CNTNAP2: variants seen among roughly 807,000 people sequenced by gnomAD.
The protein encoded by CNTNAP2 is contactin associated protein 2.
In CNTNAP2, 98 loss-of-function variants were observed where a neutral mutation model predicts 155.2. The observed-to-expected ratio is 0.63, with a 90% CI of 0.54 to 0.75. CNTNAP2 has a LOEUF of 0.75. CNTNAP2 is among the 30% of genes least tolerant of loss of function. CNTNAP2 has a pLI of 0.00. For missense variants in CNTNAP2, 1,727 were observed against 1,688.1 expected (o/e 1.02, Z -0.40); for synonymous variants, 651 against 631.2 (o/e 1.03, Z -0.47).
intron 20 of CNTNAP2, among the ~76,000 whole-genome samples, chr7:148,235,372 T>C (rs1796025695): frequency 6.6e-6 from 1 of 152,186 alleles, no homozygotes; most frequent in African/African-American, 2.4e-5. Flanking sequence ...TGCCAGTTGC[T>C]ATACAAATTA....
At chr7:146,911,327 A>T (rs1244955690) in intron 3 of CNTNAP2, among the ~76,000 whole-genome samples, 1 of 152,098 alleles carries the variant, frequency 6.6e-6, no homozygotes, top group East Asian at 1.9e-4. Context: ...AAGGACTATA[A>T]ATCATGCTGC....
intron 21 of CNTNAP2, among the ~76,000 whole-genome samples, chr7:148,270,849 C>T (rs762563277): frequency 1.3e-5 from 2 of 152,182 alleles, no homozygotes; most frequent in Admixed American, 6.5e-5. Flanking sequence ...GACCATGTTG[C>T]TTTCTTAGTT....
chr7:147,900,108 A>G (rs1799841840), intron 13 of CNTNAP2, among the ~76,000 whole-genome samples: 2 of 152,128 alleles, frequency 1.3e-5, no homozygotes, highest in Non-Finnish European at 2.9e-5. Flanking sequence ...ATGAAATCTG[A>G]TGGTGCTGGC....
At chr7:148,015,856 A>G (rs577660911) in intron 15 of CNTNAP2, among the ~76,000 whole-genome samples, 2 of 152,322 alleles carry the variant, frequency 1.3e-5, no homozygotes, top group East Asian at 3.9e-4. Flanking sequence ...TTTCAACACT[A>G]TTTTGTAGAT....
At chr7:147,474,672 A>G (rs894112209) in intron 10 of CNTNAP2, among the ~76,000 whole-genome samples, 2 of 152,216 alleles carry the variant, frequency 1.3e-5, no homozygotes, top group Non-Finnish European at 2.9e-5. Flanking sequence ...AGTGTAGCAC[A>G]GAGCAGACAA....
chr7:147,122,379 T>A (rs1801137238), intron 6 of CNTNAP2: 1 of 152,144 alleles, frequency 6.6e-6, no homozygotes, highest in African/African-American at 2.4e-5. Context: ...AGCCGTTAGG[T>A]CCAAACAACC....
At chr7:146,378,484 G>A (rs1252180111) in intron 1 of CNTNAP2, among the ~76,000 whole-genome samples, 2 of 152,110 alleles carry the variant, frequency 1.3e-5, no homozygotes, top group African/African-American at 2.4e-5. Context: ...TACTTTATGT[G>A]CATTACCTTA....
At chr7:146,810,921 A>G (rs1232291186) in intron 2 of CNTNAP2, among the ~76,000 whole-genome samples, 1 of 152,160 alleles carries the variant, frequency 6.6e-6, no homozygotes, top group Non-Finnish European at 1.5e-5. Context: ...CATTCTATTA[A>G]TATAGTATAT....
chr7:146,396,899 A>G (rs1162752192), intron 1 of CNTNAP2, among the ~76,000 whole-genome samples: 1 of 152,092 alleles, frequency 6.6e-6, no homozygotes, highest in East Asian at 1.9e-4. Context: ...CCTTTGATAC[A>G]TTCATAAATA....
chr7:147,325,780 A>G (rs1442928810), intron 9 of CNTNAP2, among the ~76,000 whole-genome samples: 2 of 152,240 alleles, frequency 1.3e-5, no homozygotes, highest in Non-Finnish European at 2.9e-5. Context: ...GTTTGGTGAC[A>G]TTAGGTACAT....
chr7:147,978,028 C>T (rs1585058287), intron 15 of CNTNAP2, 39 bp downstream of exon 15: 2 of 1,612,622 alleles, frequency 1.2e-6, no homozygotes, highest in Non-Finnish European at 1.7e-6. Flanking sequence ...ACTTTCTTAT[C>T]CCATTTAAAT....
In CNTNAP2 at chr7:147,132,244, G is replaced by T. The variant is rs1225653419; in HGVS notation, c.1084-1G>T. ...TCAGAGCCTGTCTTTCTATTTTACA[G>T]GGAAATTTGAGCTTTTCTTGTGTGG... On this transcript the variant is annotated splice_acceptor_variant, in intron 7 of 23. Transcript: ENST00000361727. LOFTEE classifies it high-confidence loss of function. 1 of 1,613,480 alleles carries T rather than the reference G, an allele frequency of 6.2e-7. No homozygotes were observed. The highest frequency in any genetic ancestry group is 8.5e-7 in the Non-Finnish European group (1 of 1,179,636).
At chr7:147,480,338 G>A (rs1690261461) in intron 10 of CNTNAP2, among the ~76,000 whole-genome samples, 1 of 152,116 alleles carries the variant, frequency 6.6e-6, no homozygotes, top group South Asian at 2.1e-4. Flanking sequence ...CTAAAGTTTA[G>A]AACAAGGCAT....
At chr7:148,359,602 T>G (rs1798580526) in intron 21 of CNTNAP2, among the ~76,000 whole-genome samples, 1 of 152,228 alleles carries the variant, frequency 6.6e-6, no homozygotes, top group South Asian at 2.1e-4. Context: ...TCTGCAAGCT[T>G]CCTTTAAGAA....
intron 3 of CNTNAP2, among the ~76,000 whole-genome samples, chr7:146,847,483 A>T: frequency 6.6e-6 from 1 of 152,192 alleles, no homozygotes; most frequent in East Asian, 1.9e-4. Flanking sequence ...ATTTACCTCA[A>T]TGGAGGTTGT....
At position 146,245,735 on chromosome 7, in the gene CNTNAP2, G is replaced by A. The variant is rs536408389; in HGVS notation, c.97+128762G>A. Among the ~76,000 whole-genome samples the A allele has an allele frequency of 1.3e-3, 200 of 152,216 alleles. 1 individual carries two copies. Among genetic ancestry groups the A allele is most frequent in the African/African-American group, 4.6e-3 (191 of 41,490 alleles). ...GTTTGGGCTTGACTGAAGTAATGGG[G>A]GCTGTCTGTGAAGCCTTGCGGCAGT... On this transcript the variant is annotated intron_variant, in intron 1 of 23. Transcript: ENST00000361727.
At chr7:146,410,041 C>G (rs1309565066) in intron 1 of CNTNAP2, among the ~76,000 whole-genome samples, 1 of 152,104 alleles carries the variant, frequency 6.6e-6, no homozygotes, top group African/African-American at 2.4e-5. Flanking sequence ...CAATCAAGGA[C>G]CTGGTATATT....
At chr7:146,426,786 A>G in intron 1 of CNTNAP2, among the ~76,000 whole-genome samples, 1 of 152,090 alleles carries the variant, frequency 6.6e-6, no homozygotes, top group Admixed American at 6.6e-5. Flanking sequence ...TTTATACATC[A>G]CGGGGACTAC....
At chr7:146,765,796 G>A (rs182771792) in intron 1 of CNTNAP2, among the ~76,000 whole-genome samples, 349 of 152,288 alleles carry the variant, frequency 2.3e-3, no homozygotes, top group African/African-American at 7.8e-3. Context: ...CAGAAAAAGT[G>A]AAGGTAGTAT....
Sources: gnomAD v4.1 joint callset for allele counts (sites outside exome capture counted in the v4.1 genomes callset) on GRCh38, gnomAD v4.1.1 for gene constraint, MANE v1.5 for transcripts, NCBI Gene and HGNC (gene_info 2026-07-23, HGNC 2026-07-21) for gene names.